The following APBA2 variants were observed in gnomAD, a reference collection of about 807,000 sequenced individuals.
APBA2 encodes amyloid beta precursor protein binding family A member 2.
In APBA2, 30 loss-of-function variants were observed where a neutral mutation model predicts 75.0. That is an observed-to-expected ratio of 0.40 (90% CI 0.30 to 0.54). The LOEUF (loss-of-function observed/expected upper bound fraction) is 0.54, where lower values mean the gene tolerates loss of function less well. Ranked by LOEUF, APBA2 falls within the 20% of genes least tolerant of loss-of-function variation. The pLI is 0.49. For missense variants in APBA2, 801 were observed against 1,016.1 expected (o/e 0.79, Z 2.88); for synonymous variants, 444 against 409.6 (o/e 1.08, Z -1.01).
chr15:28,998,980 C>G (rs1370000745), intron 3 of APBA2, among the ~76,000 whole-genome samples: 1 of 152,064 alleles, frequency 6.6e-6, no homozygotes, highest in African/African-American at 2.4e-5. Context: ...AACCCCATCT[C>G]TACTAAAAAT....
At chr15:28,941,911 C>T (rs1048182423) in intron 2 of APBA2, among the ~76,000 whole-genome samples, 5 of 152,284 alleles carry the variant, frequency 3.3e-5, no homozygotes, top group Non-Finnish European at 7.4e-5. Flanking sequence ...TGCCCGCCAC[C>T]ACGCCTGGCT....
rs754615209 is a variant in APBA2, at chr15:29,054,268, T to C, written c.384T>C (p.Pro128=). The change falls in exon 4 of 15, where the codon CCT becomes CCC. Residue 128 remains proline, a synonymous_variant. Transcript: ENST00000683413. The surrounding 1 kb of genome is among the most constrained non-coding windows in gnomAD (Gnocchi z 6.1). ...AGTACCTGGCCCACAGTGCACACCC[T>C]GTGGACACTGATGAGTGCCAGGAGG... is the stretch of plus-strand genomic sequence containing the variant. The part of the protein sequence containing the change: ...GEEYLAHSAH[P]VDTDECQEAV... 2 of 1,614,084 alleles carry C rather than the reference T, an allele frequency of 1.2e-6. No homozygotes were observed. The highest frequency in any genetic ancestry group is 1.7e-6 in the Non-Finnish European group (2 of 1,180,006).
intron 11 of APBA2, 44 bp from the exon 12 acceptor site, chr15:29,106,563 G>C (rs201725142): frequency 7.5e-6 from 12 of 1,608,240 alleles, no homozygotes; most frequent in East Asian, 4.5e-5. Flanking sequence ...CAGAGGCCTC[G>C]GTCCTTGCCG....
intron 3 of APBA2, among the ~76,000 whole-genome samples, chr15:29,010,509 C>T (rs550725152): frequency 2.4e-4 from 36 of 152,288 alleles, no homozygotes; most frequent in South Asian, 8.3e-4. Context: ...CCGCCCAACT[C>T]GGCCTCCCAA....
At chr15:28,930,086 G>T (rs896086468) in intron 2 of APBA2, among the ~76,000 whole-genome samples, 1 of 152,178 alleles carries the variant, frequency 6.6e-6, no homozygotes, top group Admixed American at 6.5e-5. Flanking sequence ...GAGGTGGAAG[G>T]GGGGCAAAAG....
At chr15:29,052,100 T>C (rs2041621305) in intron 3 of APBA2, among the ~76,000 whole-genome samples, 2 of 152,116 alleles carry the variant, frequency 1.3e-5, no homozygotes, top group African/African-American at 2.4e-5. Context: ...CAAAAAGGCA[T>C]GTGTAATGTA....
intron 3 of APBA2, among the ~76,000 whole-genome samples, chr15:28,997,184 A>T (rs2038572623): frequency 6.6e-6 from 1 of 152,198 alleles, no homozygotes; most frequent in East Asian, 1.9e-4. Flanking sequence ...GTCCTGGATG[A>T]ATTACACGGT....
chr15:28,997,270 G>A (rs10775230), intron 3 of APBA2, among the ~76,000 whole-genome samples: 18,247 of 152,182 alleles, frequency 0.12, 1,549 homozygotes, highest in East Asian at 0.27. Flanking sequence ...ATGAAACAGG[G>A]TGAAACGTAG....
Position 29,116,979 on chromosome 15 carries a change from G to T in APBA2, c.2179-83G>T. 2.8e-6 allele frequency: 4 copies of T among 1,434,180 alleles called. 1 individual carries two copies. Among genetic ancestry groups the T allele is most frequent in the Non-Finnish European group, 3.9e-6 (4 of 1,016,828 alleles). 88.8% of individuals were successfully genotyped at this position (1,434,180 alleles called of 1,614,324 possible). A position where few individuals can be genotyped will look rare whatever the true frequency, so the allele number is the denominator to read the frequency against. On this transcript the variant is annotated intron_variant, in intron 14 of 14. Transcript: ENST00000683413. ...GGCATTTGAAGCAGAACTCTGGGGG[G>T]TTTGCCTCTGTCCTTTGCTTTCACC... is the stretch of plus-strand genomic sequence containing the variant.
At chr15:28,923,099 G>A (rs1405965829) in intron 2 of APBA2, among the ~76,000 whole-genome samples, 1 of 152,122 alleles carries the variant, frequency 6.6e-6, no homozygotes, top group East Asian at 1.9e-4. Context: ...CAAAGGCTTG[G>A]TCTACTTTTC....
At chr15:28,974,696 G>T (rs2037243098) in intron 2 of APBA2, among the ~76,000 whole-genome samples, 1 of 152,114 alleles carries the variant, frequency 6.6e-6, no homozygotes, top group Non-Finnish European at 1.5e-5. Flanking sequence ...AAGTTTTTAG[G>T]TGAAAGGAAA....
At chr15:28,964,157 T>C (rs1404264068) in intron 2 of APBA2, among the ~76,000 whole-genome samples, 4 of 152,248 alleles carry the variant, frequency 2.6e-5, no homozygotes, top group Non-Finnish European at 4.4e-5. Flanking sequence ...AACAAGTTTT[T>C]ATTCCTCTAT....
At position 28,889,950 on chromosome 15, in the gene APBA2, A is replaced by G. The variant is rs577498501; in HGVS notation, c.-205+3672A>G. On this transcript the variant is annotated intron_variant, in intron 1 of 14. Coordinates refer to ENST00000683413, the MANE Select transcript of APBA2 (RefSeq NM_001353788.2). ...TGTCAGTCTCTTACCACTCAATTGT[A>G]AAAGACTTTGTTCACCTCTGGATCC... Among the ~76,000 whole-genome samples the G allele has an allele frequency of 6.6e-5, 10 of 152,356 alleles. No homozygotes were observed. In the Middle Eastern group the frequency reaches 0.02, roughly 311 times the overall value.
chr15:29,002,570 G>A (rs982314909), intron 3 of APBA2, among the ~76,000 whole-genome samples: 6 of 151,716 alleles, frequency 4.0e-5, no homozygotes, highest in African/African-American at 1.5e-4. Flanking sequence ...GGGGGTCAGC[G>A]AGTGGGGGGC....
intron 3 of APBA2, among the ~76,000 whole-genome samples, chr15:29,022,180 C>T (rs1017042717): frequency 5.3e-5 from 8 of 152,134 alleles, no homozygotes; most frequent in African/African-American, 1.9e-4. Flanking sequence ...CTGGATCATT[C>T]GGAAGTTCTA....
In APBA2 at chr15:29,105,487, G is replaced by A. The variant is rs145117269; in HGVS notation, c.1633G>A (p.Asp545Asn). The A allele has an allele frequency of 3.1e-6, 5 of 1,613,818 alleles. No homozygotes were observed. Among genetic ancestry groups the A allele is most frequent in the African/African-American group, 1.3e-5 (1 of 74,918 alleles). ...AGACTTGAGCCAGAAGGAATACAGC[G>A]ACATCATCAACACCCAGGAGATGTA... ...PEDLSQKEYS[D>N]IINTQEMYND... Residue 545 changes from aspartate to asparagine, a missense_variant, in exon 11 of 15, where the codon GAC becomes AAC. Around this residue, in one of 2 missense-constraint regions of APBA2, gnomAD observed 367 missense variants for 544.5 expected, o/e 0.67. Coordinates refer to ENST00000683413, the MANE Select transcript of APBA2 (RefSeq NM_001353788.2).
intron 5 of APBA2, among the ~76,000 whole-genome samples, chr15:29,075,273 G>A (rs1485688438): frequency 1.3e-5 from 2 of 152,100 alleles, no homozygotes; most frequent in African/African-American, 4.8e-5. Context: ...GTGTGGGGGT[G>A]GGGGACCATT....
intron 6 of APBA2, among the ~76,000 whole-genome samples, chr15:29,085,511 T>C (rs7164495): frequency 0.034 from 4,012 of 117,648 alleles, 211 homozygotes; most frequent in African/African-American, 0.13. Context: ...GGCGACAGAG[T>C]AAGACTCCAT....
intron 6 of APBA2, among the ~76,000 whole-genome samples, chr15:29,088,149 G>A (rs1027932765): frequency 1.3e-5 from 2 of 152,116 alleles, no homozygotes; most frequent in African/African-American, 4.8e-5. Flanking sequence ...CAATACACGA[G>A]GTCTCCTTGT....
Sources: allele counts gnomAD v4.1 joint callset (sites outside exome capture counted in the v4.1 genomes callset), GRCh38; gene constraint gnomAD v4.1.1; regional missense constraint gnomAD v4.1.1; non-coding constraint Gnocchi (gnomAD v3.1); transcripts MANE v1.5; gene names NCBI Gene and HGNC (gene_info 2026-07-23, HGNC 2026-07-21).